The following TTC23L variants were observed in gnomAD, a reference collection of about 807,000 sequenced individuals.
The protein encoded by TTC23L is tetratricopeptide repeat domain 23 like.
Under a neutral mutation model 48.1 loss-of-function variants are expected in TTC23L, and 42 were observed. The observed-to-expected ratio is 0.87, with a 90% CI of 0.68 to 1.13. The LOEUF is 1.13. Among genes scored for constraint, TTC23L ranks in the 50% most tolerant of loss-of-function variants. The probability of loss-of-function intolerance (pLI) is 0.00; values close to 1 mark genes in which losing one functional copy is unlikely to be tolerated. For missense variants in TTC23L, 391 were observed against 421.0 expected, an observed-to-expected ratio of 0.93 and a Z score of 0.62; for synonymous variants, 159 against 157.2, an observed-to-expected ratio of 1.01 and a Z score of -0.09.
chr5:34,909,559 T>C, the TTC23L span, among the ~76,000 whole-genome samples: 206 of 152,066 alleles, frequency 1.4e-3, no homozygotes, highest in African/African-American at 4.8e-3. Context: ...TTGAAGAAAA[T>C]CAATTGTAAA....
chr5:34,898,756 C>A (rs1440520115), intron 10 of TTC23L, among the ~76,000 whole-genome samples: 3 of 152,146 alleles, frequency 2.0e-5, no homozygotes, highest in African/African-American at 7.2e-5. Context: ...TTTTGTATTT[C>A]ATATTCTACA....
chr5:34,898,371 C>T lies in TTC23L; in HGVS notation c.*98-1019C>T, dbSNP rs552515539. ...AAACACTGTTAGTCTCATAGACAAG[C>T]AGTCTGACACAGTCACCTAAACTCA... On this transcript the variant is annotated intron_variant, in intron 10 of 10. Transcript: ENST00000505624. Among the ~76,000 whole-genome samples, 21 of 152,206 alleles carry T rather than the reference C, an allele frequency of 1.4e-4. 1 individual carries two copies. In the South Asian group the frequency reaches 4.1e-3, roughly 30 times the overall value.
In TTC23L at chr5:34,880,221, T is replaced by TCGAG; in HGVS notation, c.992_995dup (p.Thr333SerfsTer9). 6.2e-7 allele frequency: 1 copy of TCGAG among 1,613,240 alleles called. No homozygotes were observed. The highest frequency in any genetic ancestry group is 8.5e-7 in the Non-Finnish European group (1 of 1,179,730). ...ATTTCATAAGAAGTATCAATGCATA[T>TCGAG]CGAGCAACATTGGGCTCAGAGGATT... is the stretch of plus-strand genomic sequence containing the variant. On this transcript the variant is annotated frameshift_variant, in exon 9 of 11. Transcript: ENST00000505624. LOFTEE classifies it high-confidence loss of function.
At chr5:34,866,038 A>G (rs1462655150) in intron 6 of TTC23L, among the ~76,000 whole-genome samples, 2 of 152,198 alleles carry the variant, frequency 1.3e-5, no homozygotes, top group Non-Finnish European at 2.9e-5. Flanking sequence ...AAAGCTCATA[A>G]TTACCAGAAC....
chr5:34,844,497 T>G (rs1758953646), intron 2 of TTC23L, among the ~76,000 whole-genome samples: 1 of 151,978 alleles, frequency 6.6e-6, no homozygotes, highest in African/African-American at 2.4e-5. Context: ...CTTGTGCTTT[T>G]CTGATTTTTT....
At chr5:34,912,530 C>T in the TTC23L span, among the ~76,000 whole-genome samples, 188 of 151,816 alleles carry the variant, frequency 1.2e-3, no homozygotes, top group African/African-American at 4.3e-3. Context: ...TCTGTGGAAA[C>T]GTAAAATACA....
At chr5:34,851,624 C>T (rs555866226) in intron 4 of TTC23L, among the ~76,000 whole-genome samples, 1 of 152,302 alleles carries the variant, frequency 6.6e-6, no homozygotes. Flanking sequence ...ACTGGCAGAG[C>T]AGGCAGCCAC....
chr5:34,903,876 T>C (rs1352515102), downstream of TTC23L, among the ~76,000 whole-genome samples: 1 of 152,196 alleles, frequency 6.6e-6, no homozygotes, highest in Non-Finnish European at 1.5e-5. Flanking sequence ...ATTAGCTATT[T>C]TCCAACAATC....
At chr5:34,899,570 C>T (rs966648652), downstream of TTC23L, 3 of 152,444 alleles carry the variant, frequency 2.0e-5, no homozygotes, top group African/African-American at 4.8e-5. Flanking sequence ...AGCAGCATTC[C>T]AGGTGAAATA....
chr5:34,879,799 C>T (rs986488182), intron 8 of TTC23L, among the ~76,000 whole-genome samples: 8 of 152,006 alleles, frequency 5.3e-5, no homozygotes, highest in Non-Finnish European at 7.4e-5. Flanking sequence ...AGATTGAGAC[C>T]GTCCTGGCCA....
intron 8 of TTC23L, among the ~76,000 whole-genome samples, chr5:34,877,955 T>G (rs182638385): frequency 2.3e-3 from 348 of 152,312 alleles, no homozygotes; most frequent in African/African-American, 7.9e-3. Context: ...CAAAAATATC[T>G]GGAATTAATA....
chr5:34,842,680 A>T (rs1269813794), intron 2 of TTC23L, among the ~76,000 whole-genome samples: 1 of 152,218 alleles, frequency 6.6e-6, no homozygotes, highest in Non-Finnish European at 1.5e-5. Context: ...GTCACAGTAG[A>T]TAACCTCAGC....
chr5:34,895,301 A>G (rs1389621074), intron 9 of TTC23L, among the ~76,000 whole-genome samples: 2 of 152,354 alleles, frequency 1.3e-5, no homozygotes, highest in Admixed American at 6.5e-5. Flanking sequence ...GAGGATTAGA[A>G]TAGTATCTAT....
At chr5:34,890,070 C>A (rs1229880318) in intron 9 of TTC23L, among the ~76,000 whole-genome samples, 4 of 151,938 alleles carry the variant, frequency 2.6e-5, no homozygotes, top group Non-Finnish European at 5.9e-5. Context: ...ATCTCTTGGC[C>A]TCGTGATCCA....
intron 1 of TTC23L, 144 bp from the exon 2 acceptor site, chr5:34,840,521 A>G: frequency 1.5e-6 from 1 of 665,724 alleles, no homozygotes; most frequent in Non-Finnish European, 2.7e-6. Flanking sequence ...CGGTCTCCAT[A>G]TCTAAGTATG....
At chr5:34,880,066 T>G in intron 8 of TTC23L, 115 bp from the exon 9 acceptor site, 2 of 1,290,476 alleles carry the variant, frequency 1.5e-6, no homozygotes, top group Non-Finnish European at 2.1e-6. Flanking sequence ...TTATGAGACC[T>G]GGCTTGAGAA....
At chr5:34,909,295 T>C in the TTC23L span, 2 of 1,611,552 alleles carry the variant, frequency 1.2e-6, no homozygotes, top group Non-Finnish European at 1.7e-6. Context: ...AATGCTTCCA[T>C]CAAATCAGAA....
At chr5:34,856,278 A>G (rs2150376299) in intron 4 of TTC23L, among the ~76,000 whole-genome samples, 1 of 152,342 alleles carries the variant, frequency 6.6e-6, no homozygotes, top group East Asian at 1.9e-4. Context: ...TTGAATGCTG[A>G]TGTGACGCTT....
At chr5:34,853,100 A>G (rs1302375151) in intron 4 of TTC23L, among the ~76,000 whole-genome samples, 2 of 152,202 alleles carry the variant, frequency 1.3e-5, no homozygotes, top group African/African-American at 4.8e-5. Flanking sequence ...ACTAAACCAT[A>G]TCATGGAGGA....
Sources: gnomAD v4.1 joint callset for allele counts (sites outside exome capture counted in the v4.1 genomes callset) on GRCh38, gnomAD v4.1.1 for gene constraint, MANE v1.5 for transcripts, NCBI Gene and HGNC (gene_info 2026-07-23, HGNC 2026-07-21) for gene names.